SCD5: variants seen among roughly 807,000 people sequenced by gnomAD.
SCD5 encodes the protein stearoyl-CoA desaturase 5, also known as acyl-CoA-desaturase 4.
A neutral mutation model predicts 30.4 loss-of-function variants in SCD5; 20 were observed. The ratio of observed to expected loss-of-function variants is 0.66; its 90% CI spans 0.46 to 0.96. SCD5 has a LOEUF of 0.96. SCD5 is among the 40% of genes least tolerant of loss of function. The pLI, the probability that SCD5 is intolerant of heterozygous loss-of-function variation, is 0.00. For synonymous variants in SCD5, 173 were observed against 176.4 expected (o/e 0.98, Z 0.16); for missense variants, 381 against 443.3 (o/e 0.86, Z 1.26).
chr4:82,752,658 C>G (rs34826594), intron 1 of SCD5, among the ~76,000 whole-genome samples: 2,367 of 152,248 alleles, frequency 0.016, 26 homozygotes, highest in Non-Finnish European at 0.022. Flanking sequence ...CTCACCAAAA[C>G]TGGACCTGGA....
At chr4:82,772,764 T>C (rs1721655767) in intron 1 of SCD5, among the ~76,000 whole-genome samples, 2 of 152,190 alleles carry the variant, frequency 1.3e-5, no homozygotes, top group Admixed American at 6.5e-5. Context: ...CCCTGAACCC[T>C]GTATGTCCTC....
intron 3 of SCD5, among the ~76,000 whole-genome samples, chr4:82,650,298 G>C (rs1578005225): frequency 1.3e-5 from 2 of 152,282 alleles, no homozygotes. Context: ...GCATAACGGT[G>C]AGTTATGCCC....
intron 1 of SCD5, among the ~76,000 whole-genome samples, chr4:82,786,583 T>A (rs550612369): frequency 2.1e-4 from 32 of 152,194 alleles, no homozygotes; most frequent in African/African-American, 7.2e-4. Context: ...GCGGATCACC[T>A]GAGTTCAGGA....
intron 1 of SCD5, among the ~76,000 whole-genome samples, chr4:82,779,764 T>C (rs1379198236): frequency 1.3e-5 from 2 of 152,216 alleles, no homozygotes; most frequent in South Asian, 2.1e-4. Flanking sequence ...GAGGCTGTCA[T>C]TCCTTACCCA....
At chr4:82,662,814 C>G (rs1728044094) in intron 3 of SCD5, among the ~76,000 whole-genome samples, 1 of 146,970 alleles carries the variant, frequency 6.8e-6, no homozygotes, top group Non-Finnish European at 1.5e-5. Context: ...GAGCCGAGAC[C>G]ACGCCATTGC....
intron 3 of SCD5, among the ~76,000 whole-genome samples, chr4:82,648,800 G>T (rs955204762): frequency 3.9e-5 from 6 of 152,146 alleles, no homozygotes; most frequent in African/African-American, 1.4e-4. Flanking sequence ...TTCAATTTGT[G>T]TGTAAATCAA....
At chr4:82,755,315 C>T (rs1721211103) in intron 1 of SCD5, among the ~76,000 whole-genome samples, 1 of 152,094 alleles carries the variant, frequency 6.6e-6, no homozygotes, top group Non-Finnish European at 1.5e-5. Context: ...GCCTGGCCAA[C>T]ATGGCAAAAC....
intron 1 of SCD5, among the ~76,000 whole-genome samples, chr4:82,792,653 T>C (rs1410960520): frequency 4.6e-5 from 7 of 152,282 alleles, no homozygotes; most frequent in African/African-American, 1.4e-4. Context: ...ACCCAGGAGG[T>C]TGAGGCTGCA....
At chr4:82,797,047 C>G (rs559432259) in intron 1 of SCD5, among the ~76,000 whole-genome samples, 1 of 152,136 alleles carries the variant, frequency 6.6e-6, no homozygotes, top group African/African-American at 2.4e-5. Flanking sequence ...AGCCACACCC[C>G]CTAAGAGGTA....
At chr4:82,794,662 T>G (rs1021989417) in intron 1 of SCD5, among the ~76,000 whole-genome samples, 1 of 151,822 alleles carries the variant, frequency 6.6e-6, no homozygotes, top group Non-Finnish European at 1.5e-5. Flanking sequence ...TTTTTTTTTT[T>G]TTTTTGAGAC....
chr4:82,737,014 A>G (rs992545477), intron 1 of SCD5, among the ~76,000 whole-genome samples: 1 of 151,438 alleles, frequency 6.6e-6, no homozygotes, highest in Non-Finnish European at 1.5e-5. Flanking sequence ...TTTTTTTCCT[A>G]TTTTTCTTTC....
At chr4:82,762,997 C>T (rs964507976) in intron 1 of SCD5, among the ~76,000 whole-genome samples, 6 of 152,138 alleles carry the variant, frequency 3.9e-5, no homozygotes, top group African/African-American at 1.2e-4. Flanking sequence ...GCTCTCCATG[C>T]CTCACTGTCA....
At position 82,636,058 on chromosome 4, in the gene SCD5, C is replaced by T. The variant is rs79381503; in HGVS notation, c.802+533G>A. The stretch of plus-strand genomic sequence containing the variant: ...ACTACTAGTTACTGATCACCTACTA[C>T]GTGCCAGGCACTGTACTAAGCAGTT... On this transcript the variant is annotated intron_variant, in intron 4 of 4. Coordinates refer to ENST00000319540, the MANE Select transcript of SCD5 (RefSeq NM_001037582.3). 7.3e-3 allele frequency among the ~76,000 whole-genome samples: 1,112 copies of T among 152,302 alleles called. 11 individuals are homozygous for T. The highest frequency in any genetic ancestry group is 0.025 in the African/African-American group (1,052 of 41,566).
chr4:82,690,434 A>C (rs1439507749), intron 2 of SCD5, among the ~76,000 whole-genome samples: 1 of 152,214 alleles, frequency 6.6e-6, no homozygotes, highest in Non-Finnish European at 1.5e-5. Context: ...TAAAAGTGAA[A>C]GCTAAAAACA....
At chr4:82,728,691 C>T (rs926890439) in intron 1 of SCD5, among the ~76,000 whole-genome samples, 3 of 152,154 alleles carry the variant, frequency 2.0e-5, no homozygotes, top group African/African-American at 4.8e-5. Flanking sequence ...AACAGCAGCA[C>T]CCATTCCCTA....
At chr4:82,733,637 G>A (rs1004134848) in intron 1 of SCD5, among the ~76,000 whole-genome samples, 1 of 152,090 alleles carries the variant, frequency 6.6e-6, no homozygotes, top group African/African-American at 2.4e-5. Flanking sequence ...GAAAGAATTT[G>A]GAAACAAGAG....
chr4:82,663,421 G>A (rs1052496811), intron 3 of SCD5, among the ~76,000 whole-genome samples: 2 of 152,202 alleles, frequency 1.3e-5, no homozygotes, highest in South Asian at 4.1e-4. Context: ...ACAGGGTAGA[G>A]TGGAGACCCA....
rs537934209 is a variant in SCD5, at chr4:82,644,012, G to T, written c.570-7189C>A. ...TGAGATGCAAGGATGTCCTATTGTTGAAGCCAGTTGAGTCAAGATGTTCTG... is the reference window on the plus strand; with the variant it reads ...TGAGATGCAAGGATGTCCTATTGTTTAAGCCAGTTGAGTCAAGATGTTCTG... On this transcript the variant is annotated intron_variant, in intron 3 of 4. Coordinates refer to ENST00000319540, the MANE Select transcript of SCD5 (RefSeq NM_001037582.3). Among the ~76,000 whole-genome samples, 3 of 152,316 alleles carry T rather than the reference G, an allele frequency of 2.0e-5. No homozygotes were observed. In the East Asian group the frequency reaches 5.8e-4, roughly 29 times the overall value.
intron 1 of SCD5, among the ~76,000 whole-genome samples, chr4:82,786,013 A>T (rs2148852745): frequency 6.6e-6 from 1 of 152,366 alleles, no homozygotes; most frequent in East Asian, 1.9e-4. Flanking sequence ...ATTACATTTT[A>T]GAAATTCATT....
Sources: gnomAD v4.1 joint callset for allele counts (sites outside exome capture counted in the v4.1 genomes callset) on GRCh38, gnomAD v4.1.1 for gene constraint, MANE v1.5 for transcripts, NCBI Gene and HGNC (gene_info 2026-07-23, HGNC 2026-07-21) for gene names.